Variants in KCNK10 observed in about 807,000 individuals in gnomAD.
KCNK10 encodes potassium channel subfamily K member 10.
In KCNK10, 25 loss-of-function variants were observed where a neutral mutation model predicts 47.7. The ratio of observed to expected loss-of-function variants is 0.52; its 90% CI spans 0.38 to 0.73. The LOEUF is 0.73. Ranked by LOEUF, KCNK10 falls within the 30% of genes least tolerant of loss-of-function variation. KCNK10 has a pLI of 0.00. For synonymous variants in KCNK10, 303 were observed against 285.6 expected, an observed-to-expected ratio of 1.06 and a Z score of -0.61; for missense variants, 563 against 714.5, an observed-to-expected ratio of 0.79 and a Z score of 2.42.
intron 1 of KCNK10, among the ~76,000 whole-genome samples, chr14:88,265,184 C>T (rs2139756298): frequency 6.6e-6 from 1 of 152,288 alleles, no homozygotes. Context: ...ACAAAGAGGT[C>T]CACATCCTAA....
At chr14:88,214,916 T>C (rs1057475511) in intron 4 of KCNK10, among the ~76,000 whole-genome samples, 1 of 152,178 alleles carries the variant, frequency 6.6e-6, no homozygotes, top group African/African-American at 2.4e-5. Flanking sequence ...TATGCCTACA[T>C]TGCAAGAGAA....
chr14:88,237,219 A>C (rs1595097301), intron 3 of KCNK10, among the ~76,000 whole-genome samples: 1 of 152,216 alleles, frequency 6.6e-6, no homozygotes, highest in Non-Finnish European at 1.5e-5. Flanking sequence ...CCATAAGAAG[A>C]AGCTCCTAAT....
Position 88,264,442 on chromosome 14 carries a change from G to A in KCNK10, c.53-891C>T, listed in dbSNP as rs557503581. ...TATAGTCTCTGTCATGGTGCAGGCT[G>A]GCTGTTGTGTGAAGAAGGTATTAGT... On this transcript the variant is annotated intron_variant, in intron 1 of 6. Coordinates refer to ENST00000319231, the MANE Select transcript of KCNK10 (RefSeq NM_138317.3). Among the ~76,000 whole-genome samples, 4 of 152,268 alleles carry A rather than the reference G, an allele frequency of 2.6e-5. No homozygotes were observed. The South Asian group carries it at 8.3e-4, about 32-fold the overall frequency.
chr14:88,212,094 C>A (rs1165795721), intron 4 of KCNK10, among the ~76,000 whole-genome samples: 3 of 116,266 alleles, frequency 2.6e-5, no homozygotes, highest in Non-Finnish European at 5.7e-5. Context: ...ACTTTTGGTA[C>A]TAACTGATAG....
At chr14:88,218,622 G>A (rs1885700371) in intron 4 of KCNK10, among the ~76,000 whole-genome samples, 1 of 151,594 alleles carries the variant, frequency 6.6e-6, no homozygotes, top group South Asian at 2.1e-4. Flanking sequence ...CAGAAAGCCT[G>A]CTGATCCGAG....
intron 1 of KCNK10, among the ~76,000 whole-genome samples, chr14:88,304,955 T>G (rs1209283984): frequency 1.3e-5 from 2 of 152,282 alleles, no homozygotes; most frequent in East Asian, 3.9e-4. Flanking sequence ...CCTAGCACTT[T>G]GGGAGGCCGA....
At chr14:88,211,117 C>T (rs977853130) in intron 4 of KCNK10, among the ~76,000 whole-genome samples, 2 of 152,166 alleles carry the variant, frequency 1.3e-5, no homozygotes, top group Non-Finnish European at 2.9e-5. Flanking sequence ...AGTCCATCAA[C>T]AGATAAACAA....
chr14:88,326,678 G>A (rs576617403), upstream of KCNK10: 18 of 569,310 alleles, frequency 3.2e-5, no homozygotes, highest in Admixed American at 1.6e-4. Context: ...GTGGCAAAGC[G>A]CTGCTACCGG....
At chr14:88,326,127 C>G (rs527989356), upstream of KCNK10, among the ~76,000 whole-genome samples, 2 of 151,544 alleles carry the variant, frequency 1.3e-5, no homozygotes, top group South Asian at 2.1e-4. Context: ...GGAGCTTTCT[C>G]TCACCTCCAC....
chr14:88,302,139 A>C (rs1888113094), intron 1 of KCNK10, among the ~76,000 whole-genome samples: 1 of 152,200 alleles, frequency 6.6e-6, no homozygotes, highest in Non-Finnish European at 1.5e-5. Flanking sequence ...GGACTCATGC[A>C]ACATGCCCGT....
At chr14:88,283,878 C>T (rs1023623845) in intron 1 of KCNK10, among the ~76,000 whole-genome samples, 2 of 152,108 alleles carry the variant, frequency 1.3e-5, no homozygotes, top group Admixed American at 1.3e-4. Flanking sequence ...TGCACCACCA[C>T]ACTCCAGCCT....
intron 4 of KCNK10, among the ~76,000 whole-genome samples, chr14:88,215,879 GA>G (rs1885602172): frequency 6.6e-6 from 1 of 152,138 alleles, no homozygotes; most frequent in Non-Finnish European, 1.5e-5. Flanking sequence ...ACTGTGCATA[GA>G]AAAGAGTGAA....
chr14:88,321,383 T>C (rs932902126), intron 1 of KCNK10, among the ~76,000 whole-genome samples: 12 of 152,218 alleles, frequency 7.9e-5, no homozygotes, highest in African/African-American at 2.7e-4. Flanking sequence ...AAACTTTGAA[T>C]TATGCATTCC....
rs28507156 is a variant in KCNK10 at position 88,214,336 on chromosome 14, G to A, written c.681+13039C>T. On this transcript the variant is annotated intron_variant, in intron 4 of 6. Transcript: ENST00000319231. ...TGGAGGACAAGGCCAGCTATCTCAGGGCACCAAGAGGCTTGGCTTTGAGCT... is the reference window on the plus strand; with the variant it reads ...TGGAGGACAAGGCCAGCTATCTCAGAGCACCAAGAGGCTTGGCTTTGAGCT... Among the ~76,000 whole-genome samples the A allele has an allele frequency of 6.3e-3, 955 of 152,232 alleles. 9 individuals carry two copies. The highest frequency in any genetic ancestry group is 0.022 in the African/African-American group (893 of 41,534).
chr14:88,270,164 G>A (rs1302516019), intron 1 of KCNK10, among the ~76,000 whole-genome samples: 1 of 151,500 alleles, frequency 6.6e-6, no homozygotes, highest in East Asian at 2.0e-4. Flanking sequence ...CTGCACTGAT[G>A]GCTCAGAGCT....
At chr14:88,195,404 C>A (rs180976068) in intron 4 of KCNK10, among the ~76,000 whole-genome samples, 1 of 152,280 alleles carries the variant, frequency 6.6e-6, no homozygotes, top group Non-Finnish European at 1.5e-5. Flanking sequence ...TGTTAACAGG[C>A]CATTTTAATG....
At chr14:88,208,442 C>G (rs1380718937) in intron 4 of KCNK10, among the ~76,000 whole-genome samples, 1 of 152,050 alleles carries the variant, frequency 6.6e-6, no homozygotes, top group Non-Finnish European at 1.5e-5. Flanking sequence ...GAGAGAGACA[C>G]CTAATATAAA....
intron 1 of KCNK10, among the ~76,000 whole-genome samples, chr14:88,313,214 G>A (rs1380301153): frequency 6.6e-6 from 1 of 152,212 alleles, no homozygotes; most frequent in Non-Finnish European, 1.5e-5. Context: ...GATTATATGA[G>A]ATAATAACTA....
At chr14:88,298,983 A>G (rs886650505) in intron 1 of KCNK10, among the ~76,000 whole-genome samples, 3 of 152,024 alleles carry the variant, frequency 2.0e-5, no homozygotes, top group Non-Finnish European at 4.4e-5. Flanking sequence ...GTATGATCCC[A>G]TCTTTTAAAG....
Sources: gnomAD v4.1 joint callset for allele counts (sites outside exome capture counted in the v4.1 genomes callset) on GRCh38, gnomAD v4.1.1 for gene constraint, MANE v1.5 for transcripts, NCBI Gene and HGNC (gene_info 2026-07-23, HGNC 2026-07-21) for gene names.